Variants in FKBP5 observed in about 807,000 individuals in gnomAD.
FKBP5 encodes FKBP prolyl isomerase 5, also known as peptidyl-prolyl cis-trans isomerase FKBP5.
A neutral mutation model predicts 50.5 loss-of-function variants in FKBP5; 23 were observed. The ratio of observed to expected loss-of-function variants is 0.46; its 90% CI spans 0.33 to 0.65. FKBP5 has a LOEUF of 0.65. Ranked by LOEUF, FKBP5 falls within the 30% of genes least tolerant of loss-of-function variation. FKBP5 has a pLI of 0.02. For synonymous variants in FKBP5, 176 were observed against 190.6 expected, an observed-to-expected ratio of 0.92 and a Z score of 0.63; for missense variants, 411 against 553.1, an observed-to-expected ratio of 0.74 and a Z score of 2.58.
At chr6:35,605,046 G>T (rs933553293) in intron 5 of FKBP5, among the ~76,000 whole-genome samples, 1 of 152,094 alleles carries the variant, frequency 6.6e-6, no homozygotes, top group East Asian at 1.9e-4. Context: ...GCCTCCCAAA[G>T]TGCTGGGATT....
intron 1 of FKBP5, among the ~76,000 whole-genome samples, chr6:35,656,334 G>A (rs952974967): frequency 5.3e-5 from 8 of 152,080 alleles, no homozygotes; most frequent in African/African-American, 1.9e-4. Flanking sequence ...TATACTTTTC[G>A]GGGGTTAGAC....
At position 35,591,075 on chromosome 6, in the gene FKBP5, G is replaced by T; in HGVS notation, c.756+55C>A. ...ACTAAGATAAGATACTGATTTATAG[G>T]AAGTGGATGGAGAAGAAACCTACCA... On this transcript the variant is annotated intron_variant, in intron 7 of 10. Coordinates refer to ENST00000357266, the MANE Select transcript of FKBP5 (RefSeq NM_004117.4). The T allele has an allele frequency of 8.0e-6, 9 of 1,130,724 alleles. No individual in the cohort carries two copies. The South Asian group carries it at 1.2e-4, about 15-fold the overall frequency. 70.0% of individuals were successfully genotyped at this position (1,130,724 alleles called of 1,614,324 possible).
chr6:35,675,399 G>A lies in FKBP5; in HGVS notation c.-20+13405C>T, dbSNP rs372701324. Among the ~76,000 whole-genome samples the A allele has an allele frequency of 3.0e-4, 45 of 152,216 alleles. No homozygotes were observed. The South Asian group carries it at 8.1e-3, about 27-fold the overall frequency. On this transcript the variant is annotated intron_variant, in intron 1 of 10. Coordinates refer to ENST00000357266, the MANE Select transcript of FKBP5 (RefSeq NM_004117.4). ...AGCCTGACCAACATGGTGAAACCCCGTCTCTACTAAAAATGCAAACATTAG... is the reference window on the plus strand; with the variant it reads ...AGCCTGACCAACATGGTGAAACCCCATCTCTACTAAAAATGCAAACATTAG...
upstream of FKBP5, among the ~76,000 whole-genome samples, chr6:35,689,446 T>C (rs978232531): frequency 9.9e-5 from 15 of 151,972 alleles, no homozygotes; most frequent in African/African-American, 3.4e-4. Context: ...TTAGCAGATA[T>C]CACCTCCCTC....
intron 1 of FKBP5, among the ~76,000 whole-genome samples, chr6:35,679,005 C>T (rs1397023151): frequency 1.3e-5 from 2 of 152,136 alleles, no homozygotes; most frequent in African/African-American, 2.4e-5. Flanking sequence ...ACTGTTTGTA[C>T]TTAGGAGGTC....
intron 8 of FKBP5, chr6:35,586,066 G>A: frequency 2.0e-6 from 2 of 985,184 alleles, no homozygotes; most frequent in South Asian, 9.4e-5. Flanking sequence ...CTGTATTGCA[G>A]TGGCAGAAAA....
Position 35,577,006 on chromosome 6 carries a change from C to A in FKBP5, c.1254G>T (p.Glu418Asp), listed in dbSNP as rs1762241566. 5 of 1,613,916 alleles carry A rather than the reference C, an allele frequency of 3.1e-6. No homozygotes were observed. The South Asian group carries it at 5.5e-5, about 18-fold the overall frequency. Residue 418 changes from glutamate to aspartate, a missense_variant, in exon 10 of 11, where the codon GAG (glutamate) becomes GAT (aspartate). Glu to Asp is a conservative substitution (Grantham distance 45, BLOSUM62 2). Coordinates refer to ENST00000357266, the MANE Select transcript of FKBP5 (RefSeq NM_004117.4). ...IYANMFKKFA[E>D]QDAKEEANKA... ...GCTCTGCACACACCTTGGCATCCTG[C>A]TCTGCAAACTTCTTGAACATGTTGG...
At chr6:35,629,910 C>T (rs932035565) in intron 3 of FKBP5, among the ~76,000 whole-genome samples, 5 of 152,096 alleles carry the variant, frequency 3.3e-5, no homozygotes, top group Non-Finnish European at 7.4e-5. Flanking sequence ...ATATTTTAGC[C>T]TAAAAGCTTT....
intron 3 of FKBP5, among the ~76,000 whole-genome samples, chr6:35,629,192 C>T (rs1298691384): frequency 6.6e-6 from 1 of 152,128 alleles, no homozygotes. Flanking sequence ...GCAGCCTGGA[C>T]CTCCTGGGCT....
intron 9 of FKBP5, among the ~76,000 whole-genome samples, chr6:35,579,099 C>T (rs980997050): frequency 5.3e-5 from 8 of 151,602 alleles, no homozygotes; most frequent in Admixed American, 3.9e-4. Context: ...CGCACCCCAG[C>T]CTGGGCAAAA....
At chr6:35,587,449 T>C (rs559977385) in intron 7 of FKBP5, among the ~76,000 whole-genome samples, 217 of 152,338 alleles carry the variant, frequency 1.4e-3, no homozygotes, top group African/African-American at 4.8e-3. Context: ...GTTAAGGCCA[T>C]GCCTTATCTC....
Position 35,573,757 on chromosome 6 carries a change from G to T in FKBP5, c.*2078C>A, listed in dbSNP as rs1762128648. On this transcript the variant is annotated 3_prime_UTR_variant, in exon 11 of 11. Coordinates refer to ENST00000357266, the MANE Select transcript of FKBP5 (RefSeq NM_004117.4). ...GTGGACTTCTACACAAATTGTTTAA[G>T]ATTATTGAATTTGATACAAGAATAC... is the stretch of plus-strand genomic sequence containing the variant. 6.6e-6 allele frequency: 1 copy of T among 152,094 alleles called. No individual in the cohort carries two copies. The allele number at this position is 152,094 out of a possible 1,614,324, so 9.4% of individuals were successfully genotyped here. A position where few individuals can be genotyped will look rare whatever the true frequency, so the allele number is the denominator to read the frequency against.
In FKBP5 at chr6:35,600,490, T is replaced by C. The variant is rs146685314; in HGVS notation, c.509-3086A>G. Among the ~76,000 whole-genome samples, 649 of 152,128 alleles carry C rather than the reference T, an allele frequency of 4.3e-3. 3 individuals carry two copies. The highest frequency in any genetic ancestry group is 0.014 in the African/African-American group (599 of 41,510). On this transcript the variant is annotated intron_variant, in intron 5 of 10. Coordinates refer to ENST00000357266, the MANE Select transcript of FKBP5 (RefSeq NM_004117.4). ...GGTTAAGAGTTCTAAAAAGTTTGCA[T>C]TTCTAAATATTTAAAACTCTGCCCA...
upstream of FKBP5, among the ~76,000 whole-genome samples, chr6:35,689,859 G>T (rs1244278034): frequency 6.6e-6 from 1 of 152,010 alleles, no homozygotes; most frequent in African/African-American, 2.4e-5. Context: ...AAACAAAACG[G>T]CTGAGTTCTT....
chr6:35,645,450 G>A (rs186292776), intron 1 of FKBP5, among the ~76,000 whole-genome samples: 3 of 152,212 alleles, frequency 2.0e-5, no homozygotes, highest in Admixed American at 2.0e-4. Flanking sequence ...TAAAAAAAGA[G>A]AGAGAAAGAG....
At chr6:35,606,659 C>CAAAAAAAAAAAAAAAAAAAA (rs61139697) in intron 5 of FKBP5, among the ~76,000 whole-genome samples, 2 of 25,134 alleles carry the variant, frequency 8.0e-5, no homozygotes, top group African/African-American at 1.5e-4. Context: ...GACTCCGTCT[C>CAAAAAAAAAAAAAAAAAAAA]AAAAAAAAAA....
intron 2 of FKBP5, among the ~76,000 whole-genome samples, chr6:35,694,350 G>A (rs2151016885): frequency 1.3e-5 from 2 of 151,352 alleles, no homozygotes; most frequent in South Asian, 4.2e-4. Flanking sequence ...ACTATTTGCA[G>A]AGACCAGGCT....
At chr6:35,610,911 T>C (rs1303851270) in intron 5 of FKBP5, among the ~76,000 whole-genome samples, 3 of 152,150 alleles carry the variant, frequency 2.0e-5, no homozygotes, top group African/African-American at 7.2e-5. Flanking sequence ...CCCTAGGTAA[T>C]TCTAAATTCA....
At chr6:35,635,892 C>T (rs1764297083) in intron 3 of FKBP5, among the ~76,000 whole-genome samples, 1 of 152,100 alleles carries the variant, frequency 6.6e-6, no homozygotes, top group African/African-American at 2.4e-5. Flanking sequence ...GGTAGGAGCC[C>T]TTTAACAACC....
Sources: allele counts gnomAD v4.1 joint callset (sites outside exome capture counted in the v4.1 genomes callset), GRCh38; gene constraint gnomAD v4.1.1; transcripts MANE v1.5; gene names NCBI Gene and HGNC (gene_info 2026-07-23, HGNC 2026-07-21).